Variants in MYOM1 observed in about 807,000 individuals in gnomAD.
MYOM1 encodes the protein myomesin-1.
Under a neutral mutation model 205.3 loss-of-function variants are expected in MYOM1, and 164 were observed. The ratio of observed to expected loss-of-function variants is 0.80; its 90% CI spans 0.70 to 0.91. MYOM1 has a LOEUF of 0.91. Among genes scored for constraint, MYOM1 ranks in the 40% least tolerant of loss-of-function variants. MYOM1 has a pLI of 0.00. For synonymous variants in MYOM1, 772 were observed against 789.4 expected, an observed-to-expected ratio of 0.98 and a Z score of 0.37; for missense variants, 2,011 against 2,127.3, an observed-to-expected ratio of 0.95 and a Z score of 1.08.
intron 33 of MYOM1, among the ~76,000 whole-genome samples, chr18:3,081,381 G>C (rs1014509857): frequency 2.6e-5 from 4 of 152,142 alleles, no homozygotes; most frequent in African/African-American, 9.7e-5. Context: ...TCCGTTTCAA[G>C]GGTTTTTTTC....
chr18:3,165,510 C>G (rs925505302), intron 9 of MYOM1, among the ~76,000 whole-genome samples: 4 of 152,224 alleles, frequency 2.6e-5, no homozygotes, highest in Non-Finnish European at 5.9e-5. Flanking sequence ...ATGCTACAAT[C>G]TTTAAATGTA....
rs2080637430 is a variant in MYOM1, at chr18:3,176,149, A to T, written c.930-15T>A. The T allele has an allele frequency of 6.7e-7, 1 of 1,488,708 alleles. No individual in the cohort carries two copies. The highest frequency in any genetic ancestry group is 1.4e-5 in the African/African-American group (1 of 72,420). 92.2% of individuals were successfully genotyped at this position (1,488,708 alleles called of 1,614,324 possible). A position where few individuals can be genotyped will look rare whatever the true frequency, so the allele number is the denominator to read the frequency against. Reference sequence around the variant, plus strand: ...GGTTTTTATACCTATAACAGAATGGAAACAAAATGAAGTAAGTTGAAGTGT... The same window carrying T: ...GGTTTTTATACCTATAACAGAATGGTAACAAAATGAAGTAAGTTGAAGTGT... On this transcript the variant is annotated splice_polypyrimidine_tract_variant and intron_variant, in intron 5 of 37. Coordinates refer to ENST00000356443, the MANE Select transcript of MYOM1 (RefSeq NM_003803.4).
At chr18:3,193,327 TAC>T (rs2080941516) in intron 3 of MYOM1, among the ~76,000 whole-genome samples, 2 of 144,716 alleles carry the variant, frequency 1.4e-5, no homozygotes, top group African/African-American at 2.6e-5. Flanking sequence ...TATGTACATA[TAC>T]ATATATATGT....
chr18:3,226,614 T>C, the MYOM1 span, among the ~76,000 whole-genome samples: 1 of 152,194 alleles, frequency 6.6e-6, no homozygotes, highest in East Asian at 1.9e-4. The surrounding 1 kb of genome is among the most constrained non-coding windows in gnomAD (Gnocchi z 4.6). Flanking sequence ...TGCCATCTCC[T>C]TCCGGGAGAC....
intron 3 of MYOM1, 87 bp downstream of exon 3, chr18:3,193,731 C>A: frequency 1.5e-6 from 2 of 1,364,932 alleles, no homozygotes; most frequent in Admixed American, 2.4e-5. Context: ...AATCTGTCCA[C>A]AACAATTATG....
At chr18:3,085,345 G>A (rs191176710) in intron 30 of MYOM1, among the ~76,000 whole-genome samples, 6 of 137,836 alleles carry the variant, frequency 4.4e-5, no homozygotes, top group South Asian at 2.3e-4. Flanking sequence ...ATCCTTGAAC[G>A]CCTGGCCTCA....
In MYOM1 at chr18:3,174,341, T is replaced by C. The variant is rs192878740; in HGVS notation, c.1023-133A>G. On this transcript the variant is annotated intron_variant, in intron 6 of 37. Transcript: ENST00000356443. ...CTAACACATGGCTCTTTGGTTCTCC[T>C]GGTACAGCTATTTGTCTCTGATCTA... The C allele has an allele frequency of 4.2e-5, 30 of 711,702 alleles. No homozygotes were observed. The East Asian group carries it at 5.9e-4, about 14-fold the overall frequency. The allele number at this position is 711,702 out of a possible 1,614,324, so 44.1% of individuals were successfully genotyped here.
chr18:3,168,778 G>A (rs368630434), intron 9 of MYOM1, 39 bp downstream of exon 9: 5 of 1,606,606 alleles, frequency 3.1e-6, no homozygotes, highest in Admixed American at 3.4e-5. Context: ...TACAACCTTC[G>A]AATAAGAACC....
At chr18:3,130,520 T>C (rs1345205033) in intron 17 of MYOM1, among the ~76,000 whole-genome samples, 4 of 152,136 alleles carry the variant, frequency 2.6e-5, no homozygotes, top group African/African-American at 9.7e-5. Context: ...GGTGAGATCA[T>C]AGTTCACTGC....
At chr18:3,148,584 A>T (rs1362375863) in intron 13 of MYOM1, among the ~76,000 whole-genome samples, 1 of 152,034 alleles carries the variant, frequency 6.6e-6, no homozygotes, top group Admixed American at 6.6e-5. Context: ...GCGGTGGCTC[A>T]CGTCTGTCAT....
intron 2 of MYOM1, among the ~76,000 whole-genome samples, chr18:3,206,761 T>A (rs2081128077): frequency 6.6e-6 from 1 of 152,130 alleles, no homozygotes; most frequent in South Asian, 2.1e-4. Context: ...CGCGGACAAG[T>A]AGAAAGCTGA....
intron 37 of MYOM1, among the ~76,000 whole-genome samples, chr18:3,069,400 G>A (rs2078935701): frequency 1.3e-5 from 2 of 152,122 alleles, no homozygotes; most frequent in South Asian, 4.1e-4. Flanking sequence ...GGCTCACAAT[G>A]TACAGAGAAA....
At position 3,168,970 on chromosome 18, in the gene MYOM1, G is replaced by A. The variant is rs554996810; in HGVS notation, c.1186C>T (p.Pro396Ser). The change falls in exon 9 of 38, where the codon CCA becomes TCA. Residue 396 changes from proline (P) to serine (S), a missense_variant. Physicochemically the swap from Pro to Ser is moderately conservative, Grantham distance 74. Transcript: ENST00000356443. Reference sequence around the variant, plus strand: ...TCAAACCGGGATGCATAACCATATGGGGTCACACCAACTGGGTACAAAAAT... The same window carrying A: ...TCAAACCGGGATGCATAACCATATGAGGTCACACCAACTGGGTACAAAAAT... ...STMPLSFGVTPYGYASRFEIH... is the reference protein window; with the variant it reads ...STMPLSFGVTSYGYASRFEIH... 7.4e-5 allele frequency: 120 copies of A among 1,611,834 alleles called. No homozygotes were observed. The highest frequency in any genetic ancestry group is 2.0e-4 in the East Asian group (9 of 44,806).
chr18:3,232,707 C>T, the MYOM1 span, among the ~76,000 whole-genome samples: 2 of 152,284 alleles, frequency 1.3e-5, no homozygotes, highest in East Asian at 1.9e-4. Context: ...ACTTATTATG[C>T]TTTATGTTCC....
chr18:3,176,014 C>G, intron 6 of MYOM1, 28 bp downstream of exon 6: 1 of 1,401,616 alleles, frequency 7.1e-7, no homozygotes, highest in Non-Finnish European at 1.0e-6. Context: ...CAATGGTGAG[C>G]AACACATGGA....
intron 18 of MYOM1, among the ~76,000 whole-genome samples, chr18:3,128,220 CCTCT>C (rs2079822989): frequency 6.6e-6 from 1 of 152,156 alleles, no homozygotes; most frequent in South Asian, 2.1e-4. Context: ...TCTCTCTCTC[CCTCT>C]ATTTCAGAGC....
At chr18:3,177,248 A>C (rs556003968) in intron 5 of MYOM1, among the ~76,000 whole-genome samples, 30 of 151,988 alleles carry the variant, frequency 2.0e-4, no homozygotes, top group African/African-American at 6.8e-4. Context: ...TAAAATAAAT[A>C]AAACAAACAA....
the MYOM1 span, among the ~76,000 whole-genome samples, chr18:3,239,696 G>A: frequency 2.1e-5 from 3 of 144,638 alleles, no homozygotes; most frequent in African/African-American, 7.9e-5. Flanking sequence ...GGCCAAGGCT[G>A]CAGTGAGCCA....
In MYOM1 at chr18:3,141,980, C is replaced by A; in HGVS notation, c.1984G>T (p.Gly662Cys). The change falls in exon 14 of 38, where the codon GGC becomes TGC. Residue 662 changes from glycine to cysteine, a missense_variant. Transcript: ENST00000356443. ...ATAATGCCCTCATGACCACGCTGGCCAGGGGGCTTCCAGCTGAGCACCACA... is the reference window on the plus strand; with the variant it reads ...ATAATGCCCTCATGACCACGCTGGCAAGGGGGCTTCCAGCTGAGCACCACA... ...SYVVLSWKPP[G>C]QRGHEGIMYF... 1.2e-6 allele frequency: 2 copies of A among 1,613,690 alleles called. No individual in the cohort carries two copies. The highest frequency in any genetic ancestry group is 1.7e-6 in the Non-Finnish European group (2 of 1,179,778).
Sources: gnomAD v4.1 joint callset for allele counts (sites outside exome capture counted in the v4.1 genomes callset) on GRCh38, gnomAD v4.1.1 for gene constraint, Gnocchi (gnomAD v3.1) non-coding constraint, MANE v1.5 for transcripts, NCBI Gene and HGNC (gene_info 2026-07-23, HGNC 2026-07-21) for gene names.